PRKCB: variants seen among roughly 807,000 people sequenced by gnomAD.
The protein encoded by PRKCB is protein kinase C beta type.
Under a neutral mutation model 81.5 loss-of-function variants are expected in PRKCB, and 13 were observed. That is an observed-to-expected ratio of 0.16 (90% CI 0.10 to 0.25). The LOEUF (loss-of-function observed/expected upper bound fraction) is 0.25. PRKCB is among the 10% of genes least tolerant of loss of function. The probability of loss-of-function intolerance (pLI) is 1.00; values close to 1 mark genes in which losing one functional copy is unlikely to be tolerated. For synonymous variants in PRKCB, 335 were observed against 321.4 expected (o/e 1.04, Z -0.45); for missense variants, 509 against 875.7 (o/e 0.58, Z 5.29).
chr16:23,865,913 T>G (rs1483609484), intron 2 of PRKCB, among the ~76,000 whole-genome samples: 2 of 152,034 alleles, frequency 1.3e-5, no homozygotes, highest in Admixed American at 1.3e-4. Context: ...GTTTCCACTC[T>G]CCATCCTCCT....
intron 5 of PRKCB, among the ~76,000 whole-genome samples, chr16:24,060,584 T>C (rs1965959580): frequency 6.6e-6 from 1 of 152,184 alleles, no homozygotes; most frequent in African/African-American, 2.4e-5. Flanking sequence ...GAGTATTGGC[T>C]CTGACCACTC....
chr16:23,842,148 ATTC>A (rs1962278973), intron 2 of PRKCB, among the ~76,000 whole-genome samples: 1 of 152,112 alleles, frequency 6.6e-6, no homozygotes, highest in African/African-American at 2.4e-5. Context: ...GAGATTCAGA[ATTC>A]TTAGCAATGA....
intron 2 of PRKCB, among the ~76,000 whole-genome samples, chr16:23,972,619 A>G (rs1232950817): frequency 6.6e-6 from 1 of 152,128 alleles, no homozygotes; most frequent in Admixed American, 6.5e-5. Flanking sequence ...CTATGAGTTT[A>G]CCTTGTCTAA....
intron 2 of PRKCB, among the ~76,000 whole-genome samples, chr16:23,914,481 C>A (rs77499867): frequency 2.5e-3 from 384 of 152,256 alleles, no homozygotes; most frequent in African/African-American, 9.0e-3. Context: ...CTGGGAGAGG[C>A]AGAATGGTGT....
chr16:24,131,432 C>T (rs1966853237), intron 9 of PRKCB, among the ~76,000 whole-genome samples: 1 of 152,244 alleles, frequency 6.6e-6, no homozygotes, highest in Non-Finnish European at 1.5e-5. Flanking sequence ...CCCCTAGAAA[C>T]TTGGCATTTG....
At chr16:24,006,725 G>C (rs1965127548) in intron 3 of PRKCB, among the ~76,000 whole-genome samples, 1 of 152,012 alleles carries the variant, frequency 6.6e-6, no homozygotes, top group South Asian at 2.1e-4. Context: ...CCGAGCTCAA[G>C]TTGCCTAACA....
chr16:24,145,935 T>C (rs998588536), intron 9 of PRKCB, among the ~76,000 whole-genome samples: 6 of 152,210 alleles, frequency 3.9e-5, no homozygotes, highest in Non-Finnish European at 8.8e-5. Context: ...GGACATAGGG[T>C]CTTTGCAGTT....
intron 5 of PRKCB, among the ~76,000 whole-genome samples, chr16:24,090,257 A>G (rs1186589011): frequency 6.6e-6 from 1 of 152,172 alleles, no homozygotes; most frequent in African/African-American, 2.4e-5. Context: ...AAAATAGAAG[A>G]CACTGCCATG....
Position 23,995,916 on chromosome 16 carries a change from G to A in PRKCB, c.288+7326G>A, listed in dbSNP as rs373363123. ...CCCAGAAGTGGACAGCTACAGCACT[G>A]TAGTCACTTTAGGACATCCCTGAGG... On this transcript the variant is annotated intron_variant, in intron 3 of 16. Transcript: ENST00000643927. Among the ~76,000 whole-genome samples the A allele has an allele frequency of 3.9e-5, 6 of 152,072 alleles. No homozygotes were observed. The South Asian group carries it at 1.0e-3, about 26-fold the overall frequency.
rs1442733557 is a variant in PRKCB, at chr16:24,217,694, G to A, written c.*2878G>A. 2 of 985,434 alleles carry A rather than the reference G, an allele frequency of 2.0e-6. No individual in the cohort carries two copies. Among genetic ancestry groups the A allele is most frequent in the Admixed American group, 6.1e-5 (1 of 16,262 alleles). The allele number at this position is 985,434 out of a possible 1,614,324, so 61.0% of individuals were successfully genotyped here. On this transcript the variant is annotated 3_prime_UTR_variant, in exon 17 of 17. Transcript: ENST00000643927. Reference sequence around the variant, plus strand: ...GGCAGGGCTTTCCAAGGTGGGGCTGGTCAGAAGGGAATCTTTGATAAGAGG... The same window carrying A: ...GGCAGGGCTTTCCAAGGTGGGGCTGATCAGAAGGGAATCTTTGATAAGAGG...
intron 16 of PRKCB, among the ~76,000 whole-genome samples, chr16:24,200,577 TG>T (rs1325371437): frequency 6.6e-6 from 1 of 152,216 alleles, no homozygotes; most frequent in Non-Finnish European, 1.5e-5. Flanking sequence ...TTCTGGAGGC[TG>T]GGAAGTCCAA....
chr16:24,040,382 C>G (rs556116404), intron 5 of PRKCB, among the ~76,000 whole-genome samples: 2 of 152,176 alleles, frequency 1.3e-5, no homozygotes, highest in Non-Finnish European at 2.9e-5. Context: ...GCCATCTTCT[C>G]TTTTTCTAGC....
At chr16:24,114,599 T>C (rs1338019882) in intron 8 of PRKCB, among the ~76,000 whole-genome samples, 1 of 152,132 alleles carries the variant, frequency 6.6e-6, no homozygotes, top group Non-Finnish European at 1.5e-5. Context: ...GACACATCCT[T>C]GCTTTACAAA....
At chr16:24,009,428 T>G (rs1965171621) in intron 3 of PRKCB, among the ~76,000 whole-genome samples, 1 of 129,224 alleles carries the variant, frequency 7.7e-6, no homozygotes, top group African/African-American at 4.1e-5. Flanking sequence ...GGATGACTAT[T>G]TTTTTTTTTT....
At chr16:23,904,675 AC>A (rs749970849) in intron 2 of PRKCB, among the ~76,000 whole-genome samples, 21 of 152,322 alleles carry the variant, frequency 1.4e-4, no homozygotes, top group Non-Finnish European at 3.1e-4. Flanking sequence ...AAGAACAACA[AC>A]AACAACAACA....
At chr16:24,192,290 C>T (rs928488579) in intron 16 of PRKCB, among the ~76,000 whole-genome samples, 9 of 152,202 alleles carry the variant, frequency 5.9e-5, no homozygotes, top group Admixed American at 3.3e-4. Context: ...TCATGGTTTT[C>T]GTTAGCTGTG....
At chr16:24,000,610 C>A (rs2141830040) in intron 3 of PRKCB, among the ~76,000 whole-genome samples, 1 of 152,270 alleles carries the variant, frequency 6.6e-6, no homozygotes, top group South Asian at 2.1e-4. Context: ...AAACAAAAGA[C>A]AAATGAATTT....
In PRKCB at chr16:24,010,333, A is replaced by AT. The variant is rs1257913776; in HGVS notation, c.288+21747dup. On this transcript the variant is annotated intron_variant, in intron 3 of 16. Transcript: ENST00000643927. ...GAAATCTGAAATCCCCTAAATTTAG[A>AT]TTTTGACAGAGAATTCAAGAATTAC... 2.6e-5 allele frequency among the ~76,000 whole-genome samples: 4 copies of AT among 152,162 alleles called. No individual in the cohort carries two copies. The South Asian group carries it at 6.2e-4, about 24-fold the overall frequency.
chr16:23,856,823 C>A (rs1407821890), intron 2 of PRKCB, among the ~76,000 whole-genome samples: 1 of 152,164 alleles, frequency 6.6e-6, no homozygotes, highest in Non-Finnish European at 1.5e-5. Context: ...CTACTCCTGG[C>A]CTCATACAAT....
Sources: gnomAD v4.1 joint callset for allele counts (sites outside exome capture counted in the v4.1 genomes callset) on GRCh38, gnomAD v4.1.1 for gene constraint, MANE v1.5 for transcripts, NCBI Gene and HGNC (gene_info 2026-07-23, HGNC 2026-07-21) for gene names.